SGMS1: variants seen among roughly 807,000 people sequenced by gnomAD.
SGMS1 encodes the protein phosphatidylcholine:ceramide cholinephosphotransferase 1.
In SGMS1, 13 loss-of-function variants were observed where a neutral mutation model predicts 46.2. That is an observed-to-expected ratio of 0.28 (90% CI 0.18 to 0.45). The LOEUF is 0.45. Among genes scored for constraint, SGMS1 ranks in the 20% least tolerant of loss-of-function variants. SGMS1 has a pLI of 1.00. For synonymous variants in SGMS1, 203 were observed against 187.8 expected (o/e 1.08, Z -0.66); for missense variants, 324 against 519.9 (o/e 0.62, Z 3.66).
intron 6 of SGMS1, among the ~76,000 whole-genome samples, chr10:50,427,536 C>T (rs1434917692): frequency 6.6e-6 from 1 of 152,140 alleles, no homozygotes; most frequent in Non-Finnish European, 1.5e-5. Flanking sequence ...AATTAAATGG[C>T]ACAGTAAATA....
At chr10:50,361,589 C>T (rs1165778169) in intron 6 of SGMS1, among the ~76,000 whole-genome samples, 1 of 152,196 alleles carries the variant, frequency 6.6e-6, no homozygotes, top group Non-Finnish European at 1.5e-5. Flanking sequence ...GGGATTGCCC[C>T]TTGCAACTTC....
intron 3 of SGMS1, among the ~76,000 whole-genome samples, chr10:50,505,656 C>T (rs1293343748): frequency 6.6e-6 from 1 of 152,134 alleles, no homozygotes; most frequent in Non-Finnish European, 1.5e-5. Flanking sequence ...GCTATAGATA[C>T]AGCAGGGAAT....
At chr10:50,391,071 A>G (rs1848758166) in intron 6 of SGMS1, among the ~76,000 whole-genome samples, 2 of 152,238 alleles carry the variant, frequency 1.3e-5, no homozygotes, top group African/African-American at 4.8e-5. Flanking sequence ...GAGCATCTCC[A>G]AGACCTGGTC....
At chr10:50,408,454 A>AAT (rs1554935215) in intron 6 of SGMS1, among the ~76,000 whole-genome samples, 10 of 148,246 alleles carry the variant, frequency 6.7e-5, no homozygotes, top group South Asian at 2.1e-4. Flanking sequence ...AAAAAAAAAA[A>AAT]ACAAAATAAA....
intron 3 of SGMS1, among the ~76,000 whole-genome samples, chr10:50,487,269 T>C (rs182267695): frequency 6.0e-4 from 92 of 152,102 alleles, no homozygotes; most frequent in African/African-American, 2.2e-3. Context: ...CATTGATAAG[T>C]GGGAGCTGAA....
chr10:50,411,168 G>A (rs548056665), intron 6 of SGMS1, among the ~76,000 whole-genome samples: 1 of 152,236 alleles, frequency 6.6e-6, no homozygotes, highest in Non-Finnish European at 1.5e-5. Flanking sequence ...GGAAGAAGGA[G>A]GGACCTCTTG....
chr10:50,356,604 C>A (rs1410975438), intron 6 of SGMS1, among the ~76,000 whole-genome samples: 1 of 151,496 alleles, frequency 6.6e-6, no homozygotes, highest in Non-Finnish European at 1.5e-5. Flanking sequence ...ATGTTAATTA[C>A]ATCTCAATAA....
chr10:50,381,787 A>G (rs2133476763), intron 6 of SGMS1, among the ~76,000 whole-genome samples: 1 of 152,344 alleles, frequency 6.6e-6, no homozygotes, highest in East Asian at 1.9e-4. Flanking sequence ...CAGCCTATGT[A>G]GCAGGTCAGC....
chr10:50,595,707 G>A (rs1838585097), intron 1 of SGMS1, among the ~76,000 whole-genome samples: 1 of 152,196 alleles, frequency 6.6e-6, no homozygotes. Context: ...AGGGCTTGTG[G>A]TAGGCAAGTG....
intron 6 of SGMS1, among the ~76,000 whole-genome samples, chr10:50,421,484 C>T (rs1849253865): frequency 6.6e-6 from 1 of 152,194 alleles, no homozygotes; most frequent in Non-Finnish European, 1.5e-5. Context: ...GACCCAAGTC[C>T]TGCCTAGCAG....
intron 2 of SGMS1, among the ~76,000 whole-genome samples, chr10:50,576,806 A>T (rs1838389601): frequency 6.6e-6 from 1 of 152,238 alleles, no homozygotes. Context: ...TGTGTTAAAG[A>T]ATCCAAATTA....
chr10:50,462,950 T>A (rs979395536), intron 4 of SGMS1, among the ~76,000 whole-genome samples: 4 of 151,416 alleles, frequency 2.6e-5, no homozygotes, highest in Admixed American at 2.6e-4. Context: ...TGGGGAAGAC[T>A]GAAAAGATGG....
chr10:50,623,571 C>A lies in SGMS1; in HGVS notation c.-684+136G>T, dbSNP rs1838878723. On this transcript the variant is annotated intron_variant, in intron 1 of 10. Coordinates refer to ENST00000361781, the MANE Select transcript of SGMS1 (RefSeq NM_147156.4). ...CGCCAGGTACGCGCGCGGCACCGCG[C>A]GGGCTGCGCTCACGCCCCCTCGCCC... The A allele has an allele frequency of 1.1e-5, 11 of 984,826 alleles. No homozygotes were observed. The South Asian group carries it at 5.2e-4, about 46-fold the overall frequency. The allele number at this position is 984,826 out of a possible 1,614,324, so 61.0% of individuals were successfully genotyped here.
chr10:50,397,038 A>G (rs1848857677), intron 6 of SGMS1, among the ~76,000 whole-genome samples: 3 of 152,220 alleles, frequency 2.0e-5, no homozygotes, highest in South Asian at 4.1e-4. Context: ...ACTCAAAATT[A>G]ATGTGCAGTA....
chr10:50,358,388 A>G (rs984668181), intron 6 of SGMS1, among the ~76,000 whole-genome samples: 12 of 152,222 alleles, frequency 7.9e-5, no homozygotes, highest in Non-Finnish European at 1.6e-4. Flanking sequence ...TTCAGATAAA[A>G]GTTTTTACAT....
chr10:50,392,330 C>T (rs531030478), intron 6 of SGMS1, among the ~76,000 whole-genome samples: 2 of 152,192 alleles, frequency 1.3e-5, no homozygotes, highest in Admixed American at 6.5e-5. Flanking sequence ...TAGCTATATC[C>T]ATTTAGAGAG....
At chr10:50,442,157 C>G (rs555528758) in intron 5 of SGMS1, among the ~76,000 whole-genome samples, 163 of 150,428 alleles carry the variant, frequency 1.1e-3, no homozygotes, top group African/African-American at 3.9e-3. Flanking sequence ...GGCGTTCATT[C>G]AATAATACTG....
At chr10:50,406,762 T>G (rs1181433871) in intron 6 of SGMS1, among the ~76,000 whole-genome samples, 1 of 151,248 alleles carries the variant, frequency 6.6e-6, no homozygotes, top group Non-Finnish European at 1.5e-5. Flanking sequence ...TGGAGTGCAG[T>G]GGTGTGATCC....
intron 2 of SGMS1, among the ~76,000 whole-genome samples, chr10:50,550,970 G>T (rs376280154): frequency 1.3e-5 from 2 of 152,150 alleles, no homozygotes; most frequent in Admixed American, 1.3e-4. Context: ...AAATGGGAGC[G>T]AATATGCAAA....
Sources: allele counts gnomAD v4.1 joint callset (sites outside exome capture counted in the v4.1 genomes callset), GRCh38; gene constraint gnomAD v4.1.1; transcripts MANE v1.5; gene names NCBI Gene and HGNC (gene_info 2026-07-23, HGNC 2026-07-21).